The following CPZ variants were observed in gnomAD, a reference collection of about 807,000 sequenced individuals.
CPZ encodes VEZT/CPZ fusion.
CPZ carries 103 observed loss-of-function variants against 61.8 expected under a neutral mutation model. The observed-to-expected ratio is 1.67, with a 90% CI of 1.42 to 1.96. The LOEUF (loss-of-function observed/expected upper bound fraction) is 1.96. Ranked by LOEUF, CPZ falls within the 30% of genes most tolerant of loss-of-function variation. CPZ has a pLI of 0.00. For synonymous variants in CPZ, 551 were observed against 373.7 expected, an observed-to-expected ratio of 1.47 and a Z score of -5.47; for missense variants, 1,461 against 914.9, an observed-to-expected ratio of 1.60 and a Z score of -7.70.
intron 3 of CPZ, chr4:8,601,918 A>AGG (rs145003456): frequency 2.3e-4 from 37 of 159,980 alleles, no homozygotes; most frequent in South Asian, 4.1e-4. Context: ...CCCCTGGTCA[A>AGG]GGGGGGGCGG....
chr4:8,613,779 G>A (rs1211731668), intron 8 of CPZ, among the ~76,000 whole-genome samples: 1 of 152,216 alleles, frequency 6.6e-6, no homozygotes, highest in Non-Finnish European at 1.5e-5. Flanking sequence ...CCAGGTGGCT[G>A]GTTGTCCACC....
At position 8,609,171 on chromosome 4, in the gene CPZ, C is replaced by G. The variant is rs905375276; in HGVS notation, c.1227+1746C>G. ...ACCCACTCCCTCACTCATTCACTCA[C>G]CCATTCACTCAGGCATTCACTCACT... On this transcript the variant is annotated intron_variant, in intron 7 of 10. Coordinates refer to ENST00000360986, the MANE Select transcript of CPZ (RefSeq NM_001014447.3). 1.0e-3 allele frequency among the ~76,000 whole-genome samples: 64 copies of G among 63,762 alleles called. 1 individual carries two copies. The highest frequency in any genetic ancestry group is 7.1e-3 in the Middle Eastern group (1 of 140). The allele number at this position is 63,762 out of a possible 152,430, so 41.8% of individuals were successfully genotyped here.
intron 3 of CPZ, chr4:8,601,906 T>G: frequency 7.3e-6 from 1 of 136,260 alleles, no homozygotes; most frequent in Non-Finnish European, 1.5e-5. Flanking sequence ...CCATAGTGCT[T>G]ACCCCTGGTC....
Position 8,601,183 on chromosome 4 carries a change from TC to T in CPZ, c.186del (p.Asn63ThrfsTer20), listed in dbSNP as rs1178805557. 1.2e-6 allele frequency: 2 copies of T among 1,610,812 alleles called. No homozygotes were observed. The highest frequency in any genetic ancestry group is 3.3e-5 in the Admixed American group (2 of 59,942). ...GATGCCGCCTACAACCACACCACCT[TC>T]CCCAACCTGCTTCAGCACCGGTCGT... ...CSDAAYNHTT[F>X]PNLLQHRSWE... On this transcript the variant is annotated frameshift_variant, in exon 3 of 11. Coordinates refer to ENST00000360986, the MANE Select transcript of CPZ (RefSeq NM_001014447.3). LOFTEE classifies it high-confidence loss of function.
intron 1 of CPZ, among the ~76,000 whole-genome samples, chr4:8,598,665 C>T (rs916959607): frequency 6.6e-6 from 1 of 152,230 alleles, no homozygotes; most frequent in Non-Finnish European, 1.5e-5. Context: ...AATCTGATGC[C>T]GGGTTCCCCG....
chr4:8,618,896 C>A lies in CPZ; in HGVS notation c.1604-366C>A, dbSNP rs552872278. Among the ~76,000 whole-genome samples, 105 of 152,294 alleles carry A rather than the reference C, an allele frequency of 6.9e-4. 1 individual carries two copies. Among genetic ancestry groups the A allele is most frequent in the African/African-American group, 2.2e-3 (93 of 41,554 alleles). ...GCTGGGGTGTCCAGCCCTGTGCGGGCTCTGGCTGTCCTTACAGGAATTTCA... is the reference window on the plus strand; with the variant it reads ...GCTGGGGTGTCCAGCCCTGTGCGGGATCTGGCTGTCCTTACAGGAATTTCA... On this transcript the variant is annotated intron_variant, in intron 10 of 10. Transcript: ENST00000360986.
chr4:8,607,230 G>A, intron 6 of CPZ, 37 bp from the exon 7 acceptor site: 1 of 1,605,242 alleles, frequency 6.2e-7, no homozygotes, highest in Non-Finnish European at 8.5e-7. Context: ...CAGTGGGAAA[G>A]CCCAGCCCTG....
rs375944125 is a variant in CPZ, at chr4:8,609,283, A to G, written c.1227+1858A>G. ...CATTCTCTTATTCATTCACACACTA[A>G]TTTTCTCAGTCATTCATCCATTCAC... On this transcript the variant is annotated intron_variant, in intron 7 of 10. Coordinates refer to ENST00000360986, the MANE Select transcript of CPZ (RefSeq NM_001014447.3). Among the ~76,000 whole-genome samples the G allele has an allele frequency of 2.3e-3, 292 of 124,638 alleles. 1 individual carries two copies. Among genetic ancestry groups the G allele is most frequent in the African/African-American group, 9.5e-3 (273 of 28,714 alleles). The allele number at this position is 124,638 out of a possible 152,430, so 81.8% of individuals were successfully genotyped here. A position where few individuals can be genotyped will look rare whatever the true frequency, so the allele number is the denominator to read the frequency against.
rs550042540 is a variant in CPZ at position 8,596,437 on chromosome 4, G to T, written c.89-3016G>T. Among the ~76,000 whole-genome samples, 6 of 152,330 alleles carry T rather than the reference G, an allele frequency of 3.9e-5. No homozygotes were observed. In the South Asian group the frequency reaches 1.2e-3, roughly 32 times the overall value. On this transcript the variant is annotated intron_variant, in intron 1 of 10. Coordinates refer to ENST00000360986, the MANE Select transcript of CPZ (RefSeq NM_001014447.3). ...CCCCTCTCTGTGCCTTGCACATGGC[G>T]GCCAGTGGAAGTGGGGGTGACCCAG...
At chr4:8,605,532 T>TATC in intron 4 of CPZ, among the ~76,000 whole-genome samples, 1 of 149,560 alleles carries the variant, frequency 6.7e-6, no homozygotes, top group South Asian at 2.1e-4. Flanking sequence ...CATCATTGAT[T>TATC]TATCCATCTA....
rs565135618 is a variant in CPZ, at chr4:8,613,850, T to C, written c.1364-509T>C. ...CTAATAGGACCACCCTCCTAGACTC[T>C]GGTCAGGACAGCGTCTGGGTAAATG... is the stretch of plus-strand genomic sequence containing the variant. On this transcript the variant is annotated intron_variant, in intron 8 of 10. Transcript: ENST00000360986. Among the ~76,000 whole-genome samples, 4 of 152,336 alleles carry C rather than the reference T, an allele frequency of 2.6e-5. No individual in the cohort carries two copies. In the South Asian group the frequency reaches 8.3e-4, roughly 32 times the overall value.
In CPZ at chr4:8,592,789, A is replaced by T; in HGVS notation, c.-45A>T. 7.6e-7 allele frequency: 1 copy of T among 1,311,676 alleles called. No homozygotes were observed. Among genetic ancestry groups the T allele is most frequent in the Non-Finnish European group, 9.8e-7 (1 of 1,017,708 alleles). 81.3% of individuals were successfully genotyped at this position (1,311,676 alleles called of 1,614,324 possible). ...CAGAGCCCCGGCCCCGCGCGGCCCG[A>T]GTGCCACATCACTGCGCTGGCCGTC... On this transcript the variant is annotated 5_prime_UTR_variant, in exon 1 of 11. Coordinates refer to ENST00000360986, the MANE Select transcript of CPZ (RefSeq NM_001014447.3).
At chr4:8,610,207 C>A (rs544867823) in intron 7 of CPZ, among the ~76,000 whole-genome samples, 1 of 152,220 alleles carries the variant, frequency 6.6e-6, no homozygotes. Context: ...TCCCTGCTCC[C>A]GCCTGGTTTC....
At chr4:8,606,494 G>C (rs1018441754) in intron 5 of CPZ, among the ~76,000 whole-genome samples, 49 of 152,328 alleles carry the variant, frequency 3.2e-4, no homozygotes, top group African/African-American at 1.2e-3. Flanking sequence ...AGCAGAGCAG[G>C]TGACTGTCGA....
intron 7 of CPZ, among the ~76,000 whole-genome samples, chr4:8,608,781 G>GCAGGA (rs1577119011): frequency 1.1e-5 from 1 of 90,750 alleles, no homozygotes; most frequent in Non-Finnish European, 3.0e-5. Context: ...ATTTCCAGCT[G>GCAGGA]CAGGGCAGGG....
rs760833617 is a variant in CPZ, at chr4:8,619,639, G to A, written c.*22G>A. Reference sequence around the variant, plus strand: ...CTAGCCCCGGCCCCAGCACCCGCCAGGATGTGGAGACCGAGGCCCATCTCC... The same window carrying A: ...CTAGCCCCGGCCCCAGCACCCGCCAAGATGTGGAGACCGAGGCCCATCTCC... On this transcript the variant is annotated 3_prime_UTR_variant, in exon 11 of 11. Coordinates refer to ENST00000360986, the MANE Select transcript of CPZ (RefSeq NM_001014447.3). 6.1e-6 allele frequency: 9 copies of A among 1,473,234 alleles called. No individual in the cohort carries two copies. The highest frequency in any genetic ancestry group is 8.1e-6 in the Non-Finnish European group (9 of 1,112,822). 91.3% of individuals were successfully genotyped at this position (1,473,234 alleles called of 1,614,324 possible). A position where few individuals can be genotyped will look rare whatever the true frequency, so the allele number is the denominator to read the frequency against.
chr4:8,605,334 C>CCATCCATCCATCCATCCATCATTTATG (rs1322887200), intron 4 of CPZ, among the ~76,000 whole-genome samples: 6 of 149,090 alleles, frequency 4.0e-5, no homozygotes, highest in African/African-American at 1.5e-4. Flanking sequence ...ATCCATCCAT[C>CCATCCATCCATCCATCCATCATTTATG]CATCCATCCA....
At chr4:8,608,475 C>T (rs973221703) in intron 7 of CPZ, among the ~76,000 whole-genome samples, 4 of 152,186 alleles carry the variant, frequency 2.6e-5, no homozygotes, top group Admixed American at 6.5e-5. Flanking sequence ...GGTTGGCACT[C>T]AGGTATCAGC....
intron 7 of CPZ, among the ~76,000 whole-genome samples, chr4:8,608,277 C>CTTCCCCAG (rs1017726414): frequency 4.6e-5 from 7 of 152,160 alleles, no homozygotes; most frequent in African/African-American, 1.4e-4. Flanking sequence ...CCAGGCTTCG[C>CTTCCCCAG]GTGGAGAGCC....
Sources: gnomAD v4.1 joint callset for allele counts (sites outside exome capture counted in the v4.1 genomes callset) on GRCh38, gnomAD v4.1.1 for gene constraint, MANE v1.5 for transcripts, NCBI Gene and HGNC (gene_info 2026-07-23, HGNC 2026-07-21) for gene names.